Variants in TPCN2 observed in about 807,000 individuals in gnomAD.
The protein encoded by TPCN2 is two pore segment channel 2.
In TPCN2, 92 loss-of-function variants were observed where a neutral mutation model predicts 111.4. That is an observed-to-expected ratio of 0.83 (90% CI 0.70 to 0.98). The LOEUF (loss-of-function observed/expected upper bound fraction) is 0.98. TPCN2 is among the 50% of genes least tolerant of loss of function. The pLI is 0.00. For synonymous variants in TPCN2, 405 were observed against 414.5 expected (o/e 0.98, Z 0.28); for missense variants, 995 against 980.1 (o/e 1.02, Z -0.20).
chr11:69,056,624 C>T (rs1854780999), intron 4 of TPCN2, among the ~76,000 whole-genome samples: 1 of 152,094 alleles, frequency 6.6e-6, no homozygotes, highest in Admixed American at 6.5e-5. Flanking sequence ...ACCTCCGCCT[C>T]CTGGGTTTAG....
chr11:69,055,565 C>T (rs1854719236), intron 4 of TPCN2, among the ~76,000 whole-genome samples: 2 of 152,200 alleles, frequency 1.3e-5, no homozygotes, highest in African/African-American at 4.8e-5. Context: ...CAAACTGAGG[C>T]CAGTGTGCCG....
chr11:69,072,846 G>A (rs1436700114), intron 12 of TPCN2, 69 bp from the exon 13 acceptor site: 2 of 1,528,600 alleles, frequency 1.3e-6, no homozygotes, highest in Non-Finnish European at 1.8e-6. Context: ...GTTGGGGCTG[G>A]GGGCGCTCAC....
chr11:69,084,930 C>A, intron 19 of TPCN2: 1 of 545,468 alleles, frequency 1.8e-6, no homozygotes, highest in Non-Finnish European at 2.3e-6. Context: ...GGCAGCCTGT[C>A]CCCTAACTGT....
At chr11:69,066,244 C>T (rs893381668) in intron 7 of TPCN2, among the ~76,000 whole-genome samples, 19 of 152,246 alleles carry the variant, frequency 1.2e-4, no homozygotes, top group South Asian at 8.3e-4. Context: ...TGTGGTCCTG[C>T]CGTCCCCGGT....
intron 7 of TPCN2, 133 bp downstream of exon 7, chr11:69,064,100 T>C: frequency 1.2e-6 from 1 of 859,744 alleles, no homozygotes. Flanking sequence ...GTGGCCCATC[T>C]GGGGTCCAGG....
At chr11:69,071,319 T>C in intron 9 of TPCN2, 37 bp from the exon 10 acceptor site, 4 of 1,588,964 alleles carry the variant, frequency 2.5e-6, no homozygotes, top group Non-Finnish European at 3.5e-6. Flanking sequence ...GCTGCTGTAC[T>C]GGTGGCGCCC....
intron 17 of TPCN2, 22 bp from the exon 18 acceptor site, chr11:69,081,378 C>A: frequency 6.6e-7 from 1 of 1,517,514 alleles, no homozygotes; most frequent in Non-Finnish European, 8.9e-7. Context: ...CCTCCCAACC[C>A]GCCTCCCGTG....
chr11:69,079,292 G>A (rs1309479407), intron 16 of TPCN2: 3 of 490,542 alleles, frequency 6.1e-6, no homozygotes, highest in Admixed American at 3.8e-5. Flanking sequence ...TGAAGGACTT[G>A]TAGCCCTGGC....
Position 69,067,619 on chromosome 11 carries a change from C to T in TPCN2, c.829+14C>T. 1 of 1,612,840 alleles carries T rather than the reference C, an allele frequency of 6.2e-7. No individual in the cohort carries two copies. The highest frequency in any genetic ancestry group is 8.5e-7 in the Non-Finnish European group (1 of 1,179,606). On this transcript the variant is annotated intron_variant, in intron 8 of 24. Transcript: ENST00000294309. ...ACAACCCCGATGGTGCGTGCAGGGC[C>T]AGGGAGGGACCGTGGGGGTCGGTGA...
intron 7 of TPCN2, among the ~76,000 whole-genome samples, chr11:69,064,340 G>C (rs1224270597): frequency 1.4e-5 from 2 of 148,048 alleles, no homozygotes; most frequent in African/African-American, 2.5e-5. Context: ...TTCACTGAGG[G>C]TGGGTCCTCT....
chr11:69,060,313 G>T (rs1288847756), intron 5 of TPCN2, among the ~76,000 whole-genome samples: 2 of 152,240 alleles, frequency 1.3e-5, no homozygotes, highest in Non-Finnish European at 2.9e-5. Flanking sequence ...TTCCGGCTGG[G>T]CCGGCTATCA....
intron 1 of TPCN2, among the ~76,000 whole-genome samples, chr11:69,051,019 T>TAG (rs2134506711): frequency 6.6e-6 from 1 of 152,346 alleles, no homozygotes; most frequent in East Asian, 1.9e-4. Flanking sequence ...ACTGGCAGAC[T>TAG]ATGGAGCCAT....
rs1486954562 is a variant in TPCN2 at position 69,055,349 on chromosome 11, G to C, written c.426G>C (p.Val142=). The change falls in exon 4 of 25, where the codon GTG becomes GTC. Residue 142 remains valine, a synonymous_variant. Coordinates refer to ENST00000294309, the MANE Select transcript of TPCN2 (RefSeq NM_139075.4). ...TGGTCTTTGCGGCCGACCTCTCTGT[G>C]AAGGTGAGGCGGGCGCCAGGCCCTC... The part of the protein sequence containing the change: ...CLLVFAADLS[V]KGYLFGWAHF... 6.2e-7 allele frequency: 1 copy of C among 1,606,674 alleles called. No homozygotes were observed. Among genetic ancestry groups the C allele is most frequent in the Non-Finnish European group, 8.5e-7 (1 of 1,177,886 alleles).
At chr11:69,072,108 T>C in intron 11 of TPCN2, 85 bp downstream of exon 11, 1 of 1,185,254 alleles carries the variant, frequency 8.4e-7, no homozygotes, top group East Asian at 2.4e-5. Flanking sequence ...TAGGGGCTTC[T>C]TGTGCTTGGC....
chr11:69,065,272 C>T (rs894880225), intron 7 of TPCN2, among the ~76,000 whole-genome samples: 3 of 152,164 alleles, frequency 2.0e-5, no homozygotes, highest in African/African-American at 7.2e-5. Flanking sequence ...CCTGCAGTAG[C>T]GCTGTTTGCC....
chr11:69,090,170 C>G lies in TPCN2; in HGVS notation c.*2217C>G. ...AGTGGACAGAGCTAGAGGATATGTGCACGTACTTCCATCTCTCTCTCTGTC... is the reference window on the plus strand; with the variant it reads ...AGTGGACAGAGCTAGAGGATATGTGGACGTACTTCCATCTCTCTCTCTGTC... On this transcript the variant is annotated 3_prime_UTR_variant, in exon 25 of 25. Transcript: ENST00000294309. 1 of 146,452 alleles carries G rather than the reference C, an allele frequency of 6.8e-6. No homozygotes were observed. The highest frequency in any genetic ancestry group is 1.5e-5 in the Non-Finnish European group (1 of 64,958). 9.1% of individuals were successfully genotyped at this position (146,452 alleles called of 1,614,324 possible). A position where few individuals can be genotyped will look rare whatever the true frequency, so the allele number is the denominator to read the frequency against.
At chr11:69,077,340 C>G (rs1263970847) in intron 13 of TPCN2, among the ~76,000 whole-genome samples, 1 of 86,008 alleles carries the variant, frequency 1.2e-5, no homozygotes, top group African/African-American at 4.0e-5. Flanking sequence ...TGCTGTGTCC[C>G]TTCACCTGCC....
chr11:69,052,591 C>T (rs61599998), intron 1 of TPCN2, among the ~76,000 whole-genome samples: 11,232 of 152,086 alleles, frequency 0.074, 1,436 homozygotes, highest in African/African-American at 0.26. Flanking sequence ...GCAGCAGGGC[C>T]GGGCAGAGTG....
intron 6 of TPCN2, 39 bp from the exon 7 acceptor site, chr11:69,063,856 C>T (rs767713462): frequency 1.1e-5 from 18 of 1,605,328 alleles, no homozygotes; most frequent in East Asian, 2.2e-5. Flanking sequence ...CCTGCCTGCC[C>T]GCCGCCTGGC....
Sources: allele counts gnomAD v4.1 joint callset (sites outside exome capture counted in the v4.1 genomes callset), GRCh38; gene constraint gnomAD v4.1.1; transcripts MANE v1.5; gene names NCBI Gene and HGNC (gene_info 2026-07-23, HGNC 2026-07-21).